Variants in ADAMTSL1 observed in about 807,000 individuals in gnomAD.
ADAMTSL1 encodes ADAMTS like 1, also known as ADAMTS-like protein 1.
Under a neutral mutation model 201.8 loss-of-function variants are expected in ADAMTSL1, and 126 were observed. The ratio of observed to expected loss-of-function variants is 0.62; its 90% CI spans 0.54 to 0.72. The LOEUF (loss-of-function observed/expected upper bound fraction) is 0.72, where lower values mean the gene tolerates loss of function less well. ADAMTSL1 is among the 30% of genes least tolerant of loss of function. The pLI is 0.00. For missense variants in ADAMTSL1, 2,679 were observed against 2,277.8 expected, an observed-to-expected ratio of 1.18 and a Z score of -3.59; for synonymous variants, 1,121 against 903.4, an observed-to-expected ratio of 1.24 and a Z score of -4.32.
chr9:18,750,907 C>A (rs971628899), intron 15 of ADAMTSL1, among the ~76,000 whole-genome samples: 6 of 152,188 alleles, frequency 3.9e-5, no homozygotes, highest in African/African-American at 1.2e-4. Context: ...CACGAACTTT[C>A]CTTAAGACTC....
At chr9:18,045,868 A>G (rs1821636512) in intron 1 of ADAMTSL1, among the ~76,000 whole-genome samples, 1 of 152,158 alleles carries the variant, frequency 6.6e-6, no homozygotes. Flanking sequence ...TTTCATCTCA[A>G]TTGACAATTT....
chr9:17,972,793 G>T (rs1156856159), intron 1 of ADAMTSL1, among the ~76,000 whole-genome samples: 1 of 143,766 alleles, frequency 7.0e-6, no homozygotes, highest in Non-Finnish European at 1.5e-5. Flanking sequence ...GTGTAAAAGT[G>T]TTCCTATTTC....
chr9:17,930,117 A>G (rs1284324442), intron 1 of ADAMTSL1, among the ~76,000 whole-genome samples: 1 of 152,200 alleles, frequency 6.6e-6, no homozygotes, highest in Non-Finnish European at 1.5e-5. Flanking sequence ...TAGTAGAAAA[A>G]TCCTGAAATC....
chr9:18,454,483 G>A (rs1011364333), intron 2 of ADAMTSL1, among the ~76,000 whole-genome samples: 7 of 152,166 alleles, frequency 4.6e-5, no homozygotes, highest in African/African-American at 1.7e-4. Context: ...AGTTCTCCAG[G>A]TACTCCTTAA....
At chr9:18,643,193 A>G (rs1348039131) in intron 7 of ADAMTSL1, among the ~76,000 whole-genome samples, 2 of 152,098 alleles carry the variant, frequency 1.3e-5, no homozygotes, top group Non-Finnish European at 2.9e-5. Context: ...GCATTTTTAA[A>G]TATGCCTGTT....
At chr9:18,003,565 T>TCCAA (rs1819696844) in intron 1 of ADAMTSL1, among the ~76,000 whole-genome samples, 2 of 152,098 alleles carry the variant, frequency 1.3e-5, no homozygotes, top group Non-Finnish European at 2.9e-5. Flanking sequence ...CTCAAAGACT[T>TCCAA]ACCATTTGGA....
At chr9:18,399,283 A>G (rs1165835959) in intron 2 of ADAMTSL1, among the ~76,000 whole-genome samples, 22 of 21,008 alleles carry the variant, frequency 1.0e-3, no homozygotes, top group South Asian at 0.01. Flanking sequence ...TGCTTTACAT[A>G]TATATATATA....
intron 2 of ADAMTSL1, among the ~76,000 whole-genome samples, chr9:18,418,873 G>A (rs578118620): frequency 6.6e-6 from 1 of 152,282 alleles, no homozygotes; most frequent in Non-Finnish European, 1.5e-5. Context: ...AAAGGAATAA[G>A]AATAGTTAAA....
intron 2 of ADAMTSL1, among the ~76,000 whole-genome samples, chr9:18,451,917 C>T (rs911143816): frequency 5.9e-5 from 9 of 152,160 alleles, no homozygotes; most frequent in African/African-American, 2.2e-4. Context: ...TCCAAGCTCC[C>T]CCTTTTCTTT....
chr9:18,816,172 C>G (rs753170446), intron 20 of ADAMTSL1, among the ~76,000 whole-genome samples: 1 of 152,224 alleles, frequency 6.6e-6, no homozygotes, highest in Non-Finnish European at 1.5e-5. Flanking sequence ...CTGTTAACCA[C>G]TATGCTACTC....
At chr9:18,814,863 C>G (rs1823732943) in intron 20 of ADAMTSL1, among the ~76,000 whole-genome samples, 1 of 152,072 alleles carries the variant, frequency 6.6e-6, no homozygotes, top group African/African-American at 2.4e-5. Context: ...GCATATGTGC[C>G]CCTAACTTAA....
intron 13 of ADAMTSL1, among the ~76,000 whole-genome samples, chr9:18,694,161 C>T (rs1831407306): frequency 6.6e-6 from 1 of 152,074 alleles, no homozygotes; most frequent in Admixed American, 6.6e-5. Flanking sequence ...AAATCTGTCC[C>T]CATGATGTAA....
intron 2 of ADAMTSL1, among the ~76,000 whole-genome samples, chr9:18,447,505 A>G (rs993470531): frequency 3.9e-5 from 6 of 152,174 alleles, no homozygotes. Context: ...ACCTCAGTTC[A>G]GTATTTAAAA....
chr9:18,685,004 C>G, intron 13 of ADAMTSL1: 4 of 1,319,766 alleles, frequency 3.0e-6, no homozygotes, highest in Non-Finnish European at 3.9e-6. Context: ...TCTGTTTTGC[C>G]TAAAGTAAGA....
chr9:18,462,217 A>T (rs1023404018), intron 2 of ADAMTSL1, among the ~76,000 whole-genome samples: 1 of 152,248 alleles, frequency 6.6e-6, no homozygotes, highest in Non-Finnish European at 1.5e-5. Context: ...AAGTGTTAAA[A>T]TAGTGAAATG....
chr9:18,314,170 G>T (rs1447066062), intron 2 of ADAMTSL1, among the ~76,000 whole-genome samples: 3 of 152,136 alleles, frequency 2.0e-5, no homozygotes, highest in Non-Finnish European at 4.4e-5. Flanking sequence ...TTATCAAAAA[G>T]ACAAGAGATA....
chr9:18,821,107 GACTT>G (rs951668814), intron 21 of ADAMTSL1, among the ~76,000 whole-genome samples: 15 of 152,126 alleles, frequency 9.9e-5, no homozygotes, highest in African/African-American at 3.6e-4. Flanking sequence ...GTATTTGAAG[GACTT>G]ACTTAGGAGA....
At chr9:17,980,450 G>T (rs1414158679) in intron 1 of ADAMTSL1, among the ~76,000 whole-genome samples, 1 of 151,850 alleles carries the variant, frequency 6.6e-6, no homozygotes, top group East Asian at 1.9e-4. Flanking sequence ...ATGGCCACTG[G>T]GTTTTAATTT....
intron 1 of ADAMTSL1, among the ~76,000 whole-genome samples, chr9:18,021,715 G>A (rs147024337): frequency 2.4e-4 from 37 of 151,992 alleles, no homozygotes; most frequent in Middle Eastern, 3.4e-3. Context: ...TCTAGCTGGG[G>A]GTCTTCTCAT....
Sources: gnomAD v4.1 joint callset for allele counts (sites outside exome capture counted in the v4.1 genomes callset) on GRCh38, gnomAD v4.1.1 for gene constraint, MANE v1.5 for transcripts, NCBI Gene and HGNC (gene_info 2026-07-23, HGNC 2026-07-21) for gene names.